The following GPR21 variants were observed in gnomAD, a reference collection of about 807,000 sequenced individuals.
GPR21 encodes G protein-coupled receptor 21.
A neutral mutation model predicts 21.5 loss-of-function variants in GPR21; 9 were observed. The observed-to-expected ratio is 0.42, with a 90% confidence interval of 0.25 to 0.73. The LOEUF is 0.73. Among genes scored for constraint, GPR21 ranks in the 30% least tolerant of loss-of-function variants. The pLI is 0.27. For synonymous variants in GPR21, 169 were observed against 159.3 expected, an observed-to-expected ratio of 1.06 and a Z score of -0.46; for missense variants, 416 against 428.9, an observed-to-expected ratio of 0.97 and a Z score of 0.27.
At chr9:123,036,856 G>T (rs59807091), downstream of GPR21, among the ~76,000 whole-genome samples, 6,366 of 151,588 alleles carry the variant, frequency 0.042, 403 homozygotes, top group African/African-American at 0.14. Context: ...AAAACCTATA[G>T]GATTTTATAA....
At chr9:123,044,198 C>A in the GPR21 span, among the ~76,000 whole-genome samples, 1 of 152,116 alleles carries the variant, frequency 6.6e-6, no homozygotes, top group African/African-American at 2.4e-5. Flanking sequence ...CCACCGCGCC[C>A]AGCCAGGTGT....
Position 123,035,207 on chromosome 9 carries a change from T to C in GPR21, c.641T>C (p.Ile214Thr), listed in dbSNP as rs747780856. 1 of 1,614,120 alleles carries C rather than the reference T, an allele frequency of 6.2e-7. No individual in the cohort carries two copies. Residue 214 changes from isoleucine (I) to threonine (T), a missense_variant, in exon 2 of 2, where the codon ATC (isoleucine) becomes ACC (threonine). Physicochemically the swap from Ile to Thr is moderately conservative, Grantham distance 89. Transcript: ENST00000616002. ...ATTGTCTGCTTCACCTATTTCAACA[T>C]CTTCCGCATCTGCCAACAGCACACA... ...ALIVCFTYFN[I>T]FRICQQHTKD...
chr9:123,044,479 C>A, the GPR21 span, among the ~76,000 whole-genome samples: 1 of 152,078 alleles, frequency 6.6e-6, no homozygotes, highest in South Asian at 2.1e-4. Flanking sequence ...TTTTTGGTTT[C>A]CAGTCTGCTG....
At chr9:123,037,748 G>A (rs1372532178), downstream of GPR21, among the ~76,000 whole-genome samples, 1 of 152,104 alleles carries the variant, frequency 6.6e-6, no homozygotes, top group Non-Finnish European at 1.5e-5. Flanking sequence ...TGTTGGGAGA[G>A]AGGAGATGCT....
downstream of GPR21, among the ~76,000 whole-genome samples, chr9:123,036,578 G>C (rs111922224): frequency 9.9e-5 from 15 of 152,132 alleles, no homozygotes; most frequent in South Asian, 3.1e-3. Context: ...GAAGGGTGTC[G>C]GTCATAAGCA....
downstream of GPR21, among the ~76,000 whole-genome samples, chr9:123,039,241 C>T (rs1328936446): frequency 6.6e-6 from 1 of 152,268 alleles, no homozygotes; most frequent in South Asian, 2.1e-4. Flanking sequence ...AATAAATGCT[C>T]ATCCTCCTAA....
the GPR21 span, among the ~76,000 whole-genome samples, chr9:123,043,325 A>G: frequency 1.3e-5 from 2 of 152,198 alleles, no homozygotes; most frequent in Admixed American, 6.5e-5. Flanking sequence ...CAGCCAGTCT[A>G]AATAGGAGCA....
At chr9:123,044,689 G>A in the GPR21 span, among the ~76,000 whole-genome samples, 2 of 151,974 alleles carry the variant, frequency 1.3e-5, no homozygotes, top group Admixed American at 1.3e-4. Context: ...GCTGGTACAT[G>A]AGTATAATAC....
the GPR21 span, among the ~76,000 whole-genome samples, chr9:123,046,522 AC>A: frequency 0.012 from 1,790 of 152,286 alleles, 12 homozygotes; most frequent in Non-Finnish European, 0.019. Flanking sequence ...TAGCTGTGAG[AC>A]CTGGGGCAAA....
rs2032550241 is a variant in GPR21 at position 123,035,109 on chromosome 9, T to C, written c.543T>C (p.Cys181=). 6.2e-7 allele frequency: 1 copy of C among 1,614,074 alleles called. No individual in the cohort carries two copies. Among genetic ancestry groups the C allele is most frequent in the Middle Eastern group, 1.6e-4 (1 of 6,062 alleles). Reference sequence around the variant, plus strand: ...ATCATGGAGATGTGTTTCAGTGGTGTGCGGAGTCCTGGCACACCGACTCCT... The same window carrying C: ...ATCATGGAGATGTGTTTCAGTGGTGCGCGGAGTCCTGGCACACCGACTCCT... ...PGYHGDVFQW[C]AESWHTDSYF... Residue 181 remains cysteine (C), a synonymous_variant, in exon 2 of 2, where the codon TGT becomes TGC. Coordinates refer to ENST00000616002, the MANE Select transcript of GPR21 (RefSeq NM_005294.3).
Position 123,035,532 on chromosome 9 carries a change from G to A in GPR21, c.966G>A (p.Met322Ile). The change falls in exon 2 of 2, where the codon ATG becomes ATA. Residue 322 changes from methionine (M) to isoleucine (I), a missense_variant. Met to Ile is a conservative substitution (Grantham distance 10, BLOSUM62 1). Transcript: ENST00000616002. ...QRGLKRLSGA[M>I]CTSCASQTTA... ...GACTAAAGCGCCTCTCAGGGGCTATGTGTACTTCTTGTGCAAGTCAGACTA... is the reference window on the plus strand; with the variant it reads ...GACTAAAGCGCCTCTCAGGGGCTATATGTACTTCTTGTGCAAGTCAGACTA... 3 of 1,613,980 alleles carry A rather than the reference G, an allele frequency of 1.9e-6. No homozygotes were observed. The highest frequency in any genetic ancestry group is 2.5e-6 in the Non-Finnish European group (3 of 1,179,916).
chr9:123,048,152 T>G, the GPR21 span, among the ~76,000 whole-genome samples: 4 of 152,086 alleles, frequency 2.6e-5, no homozygotes, highest in Non-Finnish European at 5.9e-5. Flanking sequence ...TTGGCCAGGC[T>G]GGTCTCGAAC....
downstream of GPR21, among the ~76,000 whole-genome samples, chr9:123,036,609 G>A (rs149073891): frequency 2.6e-5 from 4 of 152,244 alleles, no homozygotes; most frequent in East Asian, 1.9e-4. Context: ...AAAGTATACC[G>A]TAGTATACAG....
chr9:123,041,442 A>G, the GPR21 span, among the ~76,000 whole-genome samples: 1 of 152,222 alleles, frequency 6.6e-6, no homozygotes, highest in African/African-American at 2.4e-5. Context: ...GGTTACATAC[A>G]TAGTAAGTGT....
At position 123,035,321 on chromosome 9, in the gene GPR21, T is replaced by C; in HGVS notation, c.755T>C (p.Met252Thr). The change falls in exon 2 of 2, where the codon ATG becomes ACG. Residue 252 changes from methionine to threonine, a missense_variant. Transcript: ENST00000616002. ...VQACPDKRYA[M>T]VLFRITSVFY... is the part of the protein sequence containing the mutation. The stretch of plus-strand genomic sequence containing the variant: ...GCCTGTCCTGATAAGCGCTATGCCA[T>C]GGTCCTGTTTCGAATCACTAGTGTA... The C allele has an allele frequency of 6.2e-7, 1 of 1,614,218 alleles. No homozygotes were observed. The highest frequency in any genetic ancestry group is 8.5e-7 in the Non-Finnish European group (1 of 1,180,022).
chr9:123,033,778 G>GT (rs1156695367), intron 1 of GPR21, 36 bp downstream of exon 1: 2 of 152,206 alleles, frequency 1.3e-5, no homozygotes, highest in African/African-American at 4.8e-5. Flanking sequence ...AGTAAATTCT[G>GT]TTGAAATGTT....
At chr9:123,048,096 C>T in the GPR21 span, among the ~76,000 whole-genome samples, 5 of 151,894 alleles carry the variant, frequency 3.3e-5, no homozygotes, top group African/African-American at 7.2e-5. Context: ...TGCATCACCA[C>T]GCCCAGCTAA....
downstream of GPR21, among the ~76,000 whole-genome samples, chr9:123,040,395 G>T (rs185409358): frequency 6.6e-6 from 1 of 152,272 alleles, no homozygotes; most frequent in East Asian, 1.9e-4. Context: ...TGCTTGGTGG[G>T]AATGGAATCT....
downstream of GPR21, among the ~76,000 whole-genome samples, chr9:123,036,515 A>G (rs1332769007): frequency 6.6e-6 from 1 of 152,228 alleles, no homozygotes; most frequent in African/African-American, 2.4e-5. Flanking sequence ...TGTGTCTTTA[A>G]TATTGTCTGT....
Sources: gnomAD v4.1 joint callset for allele counts (sites outside exome capture counted in the v4.1 genomes callset) on GRCh38, gnomAD v4.1.1 for gene constraint, MANE v1.5 for transcripts, NCBI Gene and HGNC (gene_info 2026-07-23, HGNC 2026-07-21) for gene names.